Variants in CTNNA2 observed in about 807,000 individuals in gnomAD.
CTNNA2 encodes the protein catenin alpha 2.
Under a neutral mutation model 101.0 loss-of-function variants are expected in CTNNA2, and 42 were observed. That is an observed-to-expected ratio of 0.42 (90% CI 0.32 to 0.54). The LOEUF is 0.54. Ranked by LOEUF, CTNNA2 falls within the 20% of genes least tolerant of loss-of-function variation. CTNNA2 has a pLI of 0.14. For synonymous variants in CTNNA2, 450 were observed against 456.4 expected (o/e 0.99, Z 0.18); for missense variants, 871 against 1,223.1 (o/e 0.71, Z 4.29).
chr2:79,511,283 G>C (rs566520743), upstream of CTNNA2, among the ~76,000 whole-genome samples: 74 of 152,106 alleles, frequency 4.9e-4, no homozygotes, highest in African/African-American at 1.4e-3. Context: ...ACCACATCAG[G>C]GACTTGTGAT....
At chr2:79,886,527 G>A (rs574273959) in intron 6 of CTNNA2, among the ~76,000 whole-genome samples, 11 of 151,688 alleles carry the variant, frequency 7.3e-5, no homozygotes, top group East Asian at 2.0e-4. Context: ...CGAGGCGGGC[G>A]GATCACGAGG....
chr2:79,999,787 T>A (rs1173864074), intron 7 of CTNNA2, among the ~76,000 whole-genome samples: 1 of 152,192 alleles, frequency 6.6e-6, no homozygotes. Context: ...TATGTTCTAG[T>A]AAGAGAGATG....
chr2:79,224,826 T>C (rs1312434037), intron 2 of CTNNA2, among the ~76,000 whole-genome samples: 1 of 150,872 alleles, frequency 6.6e-6, no homozygotes, highest in Non-Finnish European at 1.5e-5. Flanking sequence ...TATTTATAAA[T>C]TAAGTTTGAC....
At chr2:80,531,299 T>A (rs1690518937) in intron 9 of CTNNA2, among the ~76,000 whole-genome samples, 5 of 152,192 alleles carry the variant, frequency 3.3e-5, no homozygotes, top group Non-Finnish European at 7.3e-5. Context: ...AAGGGGCCAA[T>A]GAGGACTAGT....
chr2:80,533,968 C>T (rs1327026316), intron 9 of CTNNA2, among the ~76,000 whole-genome samples: 1 of 152,136 alleles, frequency 6.6e-6, no homozygotes, highest in Non-Finnish European at 1.5e-5. Context: ...TTTTAAGCCA[C>T]TGAGGTTTTT....
At chr2:79,963,528 A>T (rs1689811960) in intron 7 of CTNNA2, among the ~76,000 whole-genome samples, 1 of 152,124 alleles carries the variant, frequency 6.6e-6, no homozygotes, top group Non-Finnish European at 1.5e-5. Flanking sequence ...CATGTCAGTC[A>T]CTCACTGCTG....
At chr2:80,274,816 T>C (rs996129361) in intron 7 of CTNNA2, among the ~76,000 whole-genome samples, 10 of 152,194 alleles carry the variant, frequency 6.6e-5, no homozygotes, top group East Asian at 3.9e-4. Context: ...GTCAGCTCTT[T>C]GGAGAATTTT....
chr2:80,547,096 C>G (rs1692144153), intron 11 of CTNNA2, among the ~76,000 whole-genome samples: 1 of 152,200 alleles, frequency 6.6e-6, no homozygotes, highest in Non-Finnish European at 1.5e-5. Flanking sequence ...GGGGGGCTGT[C>G]ATGTTTAGAA....
At chr2:80,090,804 T>C (rs1428769728) in intron 7 of CTNNA2, among the ~76,000 whole-genome samples, 3 of 152,100 alleles carry the variant, frequency 2.0e-5, no homozygotes, top group African/African-American at 7.2e-5. Context: ...ACATAATGAA[T>C]TGAGCCTGTA....
chr2:79,371,046 G>T (rs1677859472), intron 3 of CTNNA2, among the ~76,000 whole-genome samples: 1 of 152,038 alleles, frequency 6.6e-6, no homozygotes, highest in East Asian at 1.9e-4. Context: ...ACTCAGAGAA[G>T]TTTCTCTGCC....
rs1402970239 is a variant in CTNNA2, at chr2:79,501,674, C to T, written c.-134-3380C>T. Among the ~76,000 whole-genome samples the T allele has an allele frequency of 2.6e-5, 4 of 152,150 alleles. No individual in the cohort carries two copies. In the East Asian group the frequency reaches 7.7e-4, roughly 29 times the overall value. On this transcript the variant is annotated intron_variant, in intron 4 of 21. Transcript: ENST00000466387. Reference sequence around the variant, plus strand: ...TCACTGTGGTCTTAAAATATTTGCTCATTTATTGTAGTTTCAGGGAAGATC... The same window carrying T: ...TCACTGTGGTCTTAAAATATTTGCTTATTTATTGTAGTTTCAGGGAAGATC...
At chr2:79,411,148 C>G (rs942434480) in intron 4 of CTNNA2, among the ~76,000 whole-genome samples, 3 of 151,820 alleles carry the variant, frequency 2.0e-5, no homozygotes, top group African/African-American at 7.3e-5. Flanking sequence ...GTGGTGATAT[C>G]CCCTTTATCA....
At chr2:80,440,881 A>G (rs1682500931) in intron 9 of CTNNA2, among the ~76,000 whole-genome samples, 2 of 152,154 alleles carry the variant, frequency 1.3e-5, no homozygotes. Flanking sequence ...TTAAGATAGC[A>G]TAGACTTAAT....
chr2:79,392,927 T>G (rs185214103), intron 4 of CTNNA2, among the ~76,000 whole-genome samples: 479 of 152,316 alleles, frequency 3.1e-3, no homozygotes, highest in Non-Finnish European at 5.3e-3. Flanking sequence ...TTAGCTGAAA[T>G]TATCAACTCT....
chr2:79,466,449 G>C (rs1269810563), intron 4 of CTNNA2, among the ~76,000 whole-genome samples: 1 of 152,208 alleles, frequency 6.6e-6, no homozygotes, highest in Admixed American at 6.5e-5. Flanking sequence ...TCCACCTCTG[G>C]GGGCAGGGCA....
intron 9 of CTNNA2, among the ~76,000 whole-genome samples, chr2:80,461,270 T>C (rs1430701714): frequency 6.6e-6 from 1 of 152,168 alleles, no homozygotes; most frequent in Non-Finnish European, 1.5e-5. Context: ...CCCCCATGCC[T>C]GACATGATGT....
chr2:80,121,926 G>A (rs1701857064), intron 7 of CTNNA2, among the ~76,000 whole-genome samples: 1 of 152,162 alleles, frequency 6.6e-6, no homozygotes, highest in Admixed American at 6.5e-5. Context: ...TGACAAGAAT[G>A]AAGTGTGAAC....
At chr2:79,999,180 C>G (rs1424671908) in intron 7 of CTNNA2, among the ~76,000 whole-genome samples, 2 of 152,212 alleles carry the variant, frequency 1.3e-5, no homozygotes, top group Admixed American at 1.3e-4. Context: ...AGCTCACCAG[C>G]TCCCCCATAA....
At chr2:79,263,320 T>C (rs1469372319) in intron 2 of CTNNA2, among the ~76,000 whole-genome samples, 1 of 152,110 alleles carries the variant, frequency 6.6e-6, no homozygotes, top group East Asian at 1.9e-4. Flanking sequence ...ATGAATGAGT[T>C]CTTGCTCTGA....
Sources: gnomAD v4.1 joint callset for allele counts (sites outside exome capture counted in the v4.1 genomes callset) on GRCh38, gnomAD v4.1.1 for gene constraint, MANE v1.5 for transcripts, NCBI Gene and HGNC (gene_info 2026-07-23, HGNC 2026-07-21) for gene names.